CCDC57: variants seen among roughly 807,000 people sequenced by gnomAD.
CCDC57 encodes the protein coiled-coil domain containing 57.
CCDC57 carries 118 observed loss-of-function variants against 118.9 expected under a neutral mutation model. The observed-to-expected ratio is 0.99, with a 90% CI of 0.86 to 1.16. The LOEUF is 1.16. Ranked by LOEUF, CCDC57 falls within the 50% of genes most tolerant of loss-of-function variation. The probability of loss-of-function intolerance (pLI) is 0.00; values close to 1 mark genes in which losing one functional copy is unlikely to be tolerated. For synonymous variants in CCDC57, 527 were observed against 532.9 expected (o/e 0.99, Z 0.15); for missense variants, 1,300 against 1,320.7 (o/e 0.98, Z 0.24).
intron 16 of CCDC57, among the ~76,000 whole-genome samples, chr17:82,134,925 T>C (rs1195222172): frequency 7.2e-5 from 11 of 152,190 alleles, no homozygotes; most frequent in Non-Finnish European, 5.9e-5. Context: ...TCAATTCCAT[T>C]CATGTTATGT....
At chr17:82,155,102 G>A (rs3924780) in intron 15 of CCDC57, 71,160 of 152,140 alleles carry the variant, frequency 0.47, 17,459 homozygotes, top group East Asian at 0.88. Flanking sequence ...CGCGTGACAC[G>A]GGCGCATCCC....
intron 3 of CCDC57, among the ~76,000 whole-genome samples, chr17:82,201,324 C>A (rs1449467552): frequency 3.3e-5 from 5 of 152,236 alleles, no homozygotes; most frequent in African/African-American, 1.2e-4. Flanking sequence ...ACAGTCAGGG[C>A]ATTCCTGGAT....
At chr17:82,207,538 T>C (rs1288116341) in intron 2 of CCDC57, 1 of 152,080 alleles carries the variant, frequency 6.6e-6, no homozygotes, top group Non-Finnish European at 1.5e-5. Flanking sequence ...GCTCATCCGA[T>C]CTTGTGGCCC....
chr17:82,203,844 G>A (rs944891703), intron 2 of CCDC57, among the ~76,000 whole-genome samples: 1 of 152,194 alleles, frequency 6.6e-6, no homozygotes, highest in Admixed American at 6.5e-5. Context: ...TGCCAGAGCA[G>A]GAAAAAGCCC....
chr17:82,194,004 G>C, exon 6 of CCDC57: 1 of 1,612,026 alleles, frequency 6.2e-7, no homozygotes, highest in Non-Finnish European at 8.5e-7. Context: ...ATGGCCTCCA[G>C]GTCCTGGAGC....
At chr17:82,163,688 A>C (rs1225660978) in intron 13 of CCDC57, among the ~76,000 whole-genome samples, 1 of 142,598 alleles carries the variant, frequency 7.0e-6, no homozygotes, top group Non-Finnish European at 1.5e-5. Context: ...AAAAGATGCC[A>C]CATAACACAG....
chr17:82,194,039 C>T, exon 6 of CCDC57: 1 of 1,613,680 alleles, frequency 6.2e-7, no homozygotes, highest in Non-Finnish European at 8.5e-7. Flanking sequence ...CTGGAGCTTC[C>T]TCTCCAGCTC....
chr17:82,189,613 G>A (rs371455041), intron 7 of CCDC57, among the ~76,000 whole-genome samples: 3 of 152,148 alleles, frequency 2.0e-5, no homozygotes, highest in East Asian at 3.9e-4. Context: ...ACTTTAGGAG[G>A]CCAAGGAGGG....
chr17:82,202,892 A>G (rs2049164069), intron 2 of CCDC57, among the ~76,000 whole-genome samples: 1 of 152,346 alleles, frequency 6.6e-6, no homozygotes, highest in African/African-American at 2.4e-5. Context: ...CACAGCTGAG[A>G]AAACTAAGGC....
At chr17:82,148,351 G>A (rs200286351) in intron 16 of CCDC57, among the ~76,000 whole-genome samples, 6 of 28,002 alleles carry the variant, frequency 2.1e-4, no homozygotes, top group Admixed American at 4.6e-4. Flanking sequence ...ATGGATAGGT[G>A]GGTGGATGGA....
chr17:82,194,309 C>CTTT (rs10626911), intron 5 of CCDC57, 170 bp from the exon 5 acceptor site: 15,510 of 512,806 alleles, frequency 0.03, no homozygotes, highest in East Asian at 0.11. Context: ...GACTCAATGA[C>CTTT]TTTTTTTTTT....
chr17:82,182,935 C>T (rs894570840), intron 9 of CCDC57, among the ~76,000 whole-genome samples: 1 of 152,192 alleles, frequency 6.6e-6, no homozygotes, highest in African/African-American at 2.4e-5. Flanking sequence ...ATCTGACAGC[C>T]TTGGCCTCCC....
chr17:82,137,573 C>T (rs1290649116), intron 16 of CCDC57, among the ~76,000 whole-genome samples: 2 of 152,042 alleles, frequency 1.3e-5, no homozygotes, highest in Non-Finnish European at 2.9e-5. Flanking sequence ...AATATTATTT[C>T]TCAGGTACCC....
intron 16 of CCDC57, among the ~76,000 whole-genome samples, chr17:82,149,828 G>C (rs1476140003): frequency 1.3e-5 from 2 of 150,414 alleles, no homozygotes; most frequent in African/African-American, 4.9e-5. Context: ...CCCAGAACCA[G>C]GCGCACACCC....
intron 9 of CCDC57, among the ~76,000 whole-genome samples, chr17:82,182,128 GA>G (rs965269322): frequency 6.6e-6 from 1 of 151,374 alleles, no homozygotes; most frequent in African/African-American, 2.4e-5. Flanking sequence ...AAAAAAAAAA[GA>G]AAAAAAGTTG....
In CCDC57 at chr17:82,150,880, C is replaced by T. The variant is rs1341432014; in HGVS notation, c.2455+680G>A. 2.4e-4 allele frequency among the ~76,000 whole-genome samples: 23 copies of T among 94,324 alleles called. No homozygotes were observed. The East Asian group carries it at 2.9e-3, about 12-fold the overall frequency. The allele number at this position is 94,324 out of a possible 152,430, so 61.9% of individuals were successfully genotyped here. ...GCGCACACCCAGAACCTGGTGCACA[C>T]CCAGAACCTGACCCACACCCAGAAC... On this transcript the variant is annotated intron_variant, in intron 16 of 19. Coordinates refer to ENST00000665763, the Ensembl canonical transcript of CCDC57.
chr17:82,108,197 C>T (rs893850331), intron 19 of CCDC57, among the ~76,000 whole-genome samples: 7 of 152,230 alleles, frequency 4.6e-5, no homozygotes, highest in Admixed American at 6.5e-5. Flanking sequence ...GTGGCAGAGA[C>T]GAGTGACCTG....
chr17:82,188,118 C>T (rs2146612392), intron 8 of CCDC57, 101 bp downstream of exon 7: 3 of 983,276 alleles, frequency 3.1e-6, no homozygotes, highest in East Asian at 2.9e-5. Flanking sequence ...CTGTCTGCTG[C>T]CTGGCCCCCT....
intron 2 of CCDC57, among the ~76,000 whole-genome samples, chr17:82,203,591 T>G (rs1599467692): frequency 6.6e-6 from 1 of 152,126 alleles, no homozygotes; most frequent in Non-Finnish European, 1.5e-5. Flanking sequence ...GGTGGGTGGG[T>G]CATTCAAACT....
Sources: allele counts gnomAD v4.1 joint callset (sites outside exome capture counted in the v4.1 genomes callset), GRCh38; gene constraint gnomAD v4.1.1; transcripts MANE v1.5; gene names NCBI Gene and HGNC (gene_info 2026-07-23, HGNC 2026-07-21).